Variants in CDC42 observed in about 807,000 individuals in gnomAD.
The protein encoded by CDC42 is cell division control protein 42 homolog.
A neutral mutation model predicts 20.8 loss-of-function variants in CDC42; 1 was observed. The observed-to-expected ratio is 0.05, with a 90% confidence interval of 0.02 to 0.23. The LOEUF is 0.23. Among genes scored for constraint, CDC42 ranks in the 10% least tolerant of loss-of-function variants. The pLI is 1.00. For synonymous variants in CDC42, 72 were observed against 84.8 expected (o/e 0.85, Z 0.83); for missense variants, 49 against 227.9 (o/e 0.21, Z 5.05).
At chr1:22,083,599 C>T (rs920314402) in intron 3 of CDC42, among the ~76,000 whole-genome samples, 3 of 151,378 alleles carry the variant, frequency 2.0e-5, no homozygotes, top group South Asian at 2.1e-4. Context: ...AGTGAGACTC[C>T]GTCTTTAAAA....
rs558565840 is a variant in CDC42, at chr1:22,100,225, C to T, written c.*8708C>T. On this transcript the variant is annotated 3_prime_UTR_variant, in exon 6 of 6. Transcript: ENST00000656825. ...GCTCTGCCTTCATCTTCTCTGCAAA[C>T]GGTCAGGGATACTCATGCAGTTTTT... 8.5e-5 allele frequency among the ~76,000 whole-genome samples: 13 copies of T among 152,150 alleles called. No homozygotes were observed. The highest frequency in any genetic ancestry group is 1.4e-4 in the African/African-American group (6 of 41,504).
intron 2 of CDC42, among the ~76,000 whole-genome samples, chr1:22,079,913 G>A (rs1322070963): frequency 6.6e-6 from 1 of 152,142 alleles, no homozygotes; most frequent in African/African-American, 2.4e-5. Flanking sequence ...GTGATAGAGT[G>A]GAAGGAAGAG....
intron 1 of CDC42, among the ~76,000 whole-genome samples, chr1:22,062,928 A>G (rs927784429): frequency 6.6e-6 from 1 of 151,818 alleles, no homozygotes; most frequent in African/African-American, 2.4e-5. Context: ...CTCCATTTCA[A>G]TCTTAGATTA....
intron 1 of CDC42, among the ~76,000 whole-genome samples, chr1:22,069,417 C>T (rs1645459484): frequency 6.6e-6 from 1 of 151,970 alleles, no homozygotes; most frequent in South Asian, 2.1e-4. Flanking sequence ...CTCAAGTGAT[C>T]TGCCCGCCTC....
rs1159095959 is a variant in CDC42, at chr1:22,092,371, C to T, written c.*854C>T. On this transcript the variant is annotated 3_prime_UTR_variant, in exon 6 of 6. Coordinates refer to ENST00000656825, the MANE Select transcript of CDC42 (RefSeq NM_001791.4). ...AAAGTATTGCACCTTTGAAATGCACCAAATGAATTGAGTTTGTAATTAAAA... is the reference window on the plus strand; with the variant it reads ...AAAGTATTGCACCTTTGAAATGCACTAAATGAATTGAGTTTGTAATTAAAA... 3 of 152,484 alleles carry T rather than the reference C, an allele frequency of 2.0e-5. No homozygotes were observed. Among genetic ancestry groups the T allele is most frequent in the Non-Finnish European group, 4.4e-5 (3 of 68,002 alleles). 9.4% of individuals were successfully genotyped at this position (152,484 alleles called of 1,614,324 possible). A position where few individuals can be genotyped will look rare whatever the true frequency, so the allele number is the denominator to read the frequency against.
chr1:22,085,299 C>T (rs1011214531), intron 3 of CDC42, among the ~76,000 whole-genome samples: 7 of 151,458 alleles, frequency 4.6e-5, no homozygotes, highest in Admixed American at 2.0e-4. Flanking sequence ...GTTCTCTAGT[C>T]TATTCCATTG....
At chr1:22,060,444 A>G in intron 1 of CDC42, among the ~76,000 whole-genome samples, 1 of 152,132 alleles carries the variant, frequency 6.6e-6, no homozygotes, top group East Asian at 1.9e-4. Context: ...CCAGAGGGAG[A>G]TGGAGGTGGA....
chr1:22,085,858 A>G (rs1340648726), intron 3 of CDC42, among the ~76,000 whole-genome samples: 2 of 151,980 alleles, frequency 1.3e-5, no homozygotes, highest in African/African-American at 2.4e-5. Flanking sequence ...TTTCTTTACC[A>G]TATCTGAGAT....
intron 1 of CDC42, among the ~76,000 whole-genome samples, chr1:22,065,485 A>G (rs1645412418): frequency 6.6e-6 from 1 of 152,214 alleles, no homozygotes; most frequent in Admixed American, 6.6e-5. Flanking sequence ...AGATGCTTTT[A>G]CTTAACAACT....
At chr1:22,058,927 A>T (rs1180804168) in intron 1 of CDC42, among the ~76,000 whole-genome samples, 1 of 151,602 alleles carries the variant, frequency 6.6e-6, no homozygotes, top group African/African-American at 2.4e-5. Flanking sequence ...GGATCCTCCA[A>T]CCTCAGCCTC....
intron 1 of CDC42, among the ~76,000 whole-genome samples, chr1:22,054,262 C>G (rs1342089854): frequency 6.6e-6 from 1 of 152,082 alleles, no homozygotes; most frequent in Non-Finnish European, 1.5e-5. Flanking sequence ...CACTCCCAGG[C>G]TGCAGTGCAG....
At chr1:22,080,266 A>C (rs1645594341) in intron 2 of CDC42, among the ~76,000 whole-genome samples, 1 of 152,230 alleles carries the variant, frequency 6.6e-6, no homozygotes, top group Non-Finnish European at 1.5e-5. Flanking sequence ...TTCTTAGTCT[A>C]GTTTTGGATA....
chr1:22,082,989 T>G (rs1363955726), intron 3 of CDC42, among the ~76,000 whole-genome samples: 1 of 151,602 alleles, frequency 6.6e-6, no homozygotes, highest in African/African-American at 2.4e-5. Context: ...AAGCGATTCT[T>G]CTGCCTCAGC....
Position 22,092,376 on chromosome 1 carries a change from G to T in CDC42, c.*859G>T, listed in dbSNP as rs1305175886. The T allele has an allele frequency of 2.0e-5, 3 of 152,592 alleles. No individual in the cohort carries two copies. Among genetic ancestry groups the T allele is most frequent in the Admixed American group, 1.3e-4 (2 of 15,282 alleles). 9.5% of individuals were successfully genotyped at this position (152,592 alleles called of 1,614,324 possible). On this transcript the variant is annotated 3_prime_UTR_variant, in exon 6 of 6. Transcript: ENST00000656825. ...ATTGCACCTTTGAAATGCACCAAAT[G>T]AATTGAGTTTGTAATTAAAAAAATT...
At chr1:22,062,902 T>C (rs1645382549) in intron 1 of CDC42, among the ~76,000 whole-genome samples, 1 of 152,130 alleles carries the variant, frequency 6.6e-6, no homozygotes, top group African/African-American at 2.4e-5. Flanking sequence ...TCTATGCTAC[T>C]ACCGCAGGGC....
chr1:22,065,440 G>A (rs914072342), intron 1 of CDC42, among the ~76,000 whole-genome samples: 1 of 152,136 alleles, frequency 6.6e-6, no homozygotes, highest in Non-Finnish European at 1.5e-5. Flanking sequence ...GGAGAAGCAA[G>A]GATTTTTCTG....
At chr1:22,068,723 T>G (rs1451692599) in intron 1 of CDC42, 1 of 152,378 alleles carries the variant, frequency 6.6e-6, no homozygotes, top group Non-Finnish European at 1.5e-5. Flanking sequence ...TAATTTTATT[T>G]TCTTCCTCTT....
intron 1 of CDC42, among the ~76,000 whole-genome samples, chr1:22,077,028 C>T (rs1414083800): frequency 3.3e-5 from 5 of 151,688 alleles, no homozygotes; most frequent in Admixed American, 2.0e-4. Flanking sequence ...TGGTGGCATG[C>T]GTCTGTGGTT....
Position 22,093,811 on chromosome 1 carries a change from A to G in CDC42, c.*2294A>G, listed in dbSNP as rs1017052773. 4.6e-5 allele frequency among the ~76,000 whole-genome samples: 7 copies of G among 152,202 alleles called. No homozygotes were observed. The highest frequency in any genetic ancestry group is 1.5e-5 in the Non-Finnish European group (1 of 68,042). ...GTATCCTTAGTGTAGTCAGGGGCGTATAGGTCCTTGACTATTGCTATATCT... is the reference window on the plus strand; with the variant it reads ...GTATCCTTAGTGTAGTCAGGGGCGTGTAGGTCCTTGACTATTGCTATATCT... On this transcript the variant is annotated 3_prime_UTR_variant, in exon 6 of 6. Coordinates refer to ENST00000656825, the MANE Select transcript of CDC42 (RefSeq NM_001791.4).
Sources: gnomAD v4.1 joint callset for allele counts (sites outside exome capture counted in the v4.1 genomes callset) on GRCh38, gnomAD v4.1.1 for gene constraint, MANE v1.5 for transcripts, NCBI Gene and HGNC (gene_info 2026-07-23, HGNC 2026-07-21) for gene names.